Variants in FGF14 observed in about 807,000 individuals in gnomAD.
The protein encoded by FGF14 is fibroblast growth factor homologous factor 4.
A neutral mutation model predicts 25.5 loss-of-function variants in FGF14; 5 were observed. The ratio of observed to expected loss-of-function variants is 0.20; its 90% confidence interval spans 0.10 to 0.41. FGF14 has a LOEUF of 0.41. FGF14 is among the 10% of genes least tolerant of loss of function. The pLI is 1.00. For synonymous variants in FGF14, 138 were observed against 118.3 expected (o/e 1.17, Z -1.08); for missense variants, 222 against 320.1 (o/e 0.69, Z 2.34).
rs28535384 is a variant in FGF14, at chr13:101,910,666, C to T, written c.193+5787G>A. On this transcript the variant is annotated intron_variant, in intron 1 of 4. Coordinates refer to ENST00000376143, the MANE Select transcript of FGF14 (RefSeq NM_004115.4). The stretch of plus-strand genomic sequence containing the variant: ...CTACGCATGCCTACTGGTATACTGT[C>T]ACCCCAGTAAACAGCAAATGGTGAC... 2.3e-3 allele frequency among the ~76,000 whole-genome samples: 345 copies of T among 152,210 alleles called. 2 individuals carry two copies. The highest frequency in any genetic ancestry group is 7.6e-3 in the African/African-American group (316 of 41,536).
At chr13:102,172,223 C>A (rs2048280262) in intron 1 of FGF14, among the ~76,000 whole-genome samples, 1 of 151,958 alleles carries the variant, frequency 6.6e-6, no homozygotes, top group Non-Finnish European at 1.5e-5. Flanking sequence ...AACATTAAAT[C>A]AATTCTTACC....
At chr13:102,096,734 T>C (rs1227419880) in intron 1 of FGF14, among the ~76,000 whole-genome samples, 1 of 152,078 alleles carries the variant, frequency 6.6e-6, no homozygotes, top group Non-Finnish European at 1.5e-5. Context: ...TAAACATGCC[T>C]GGGATATCCC....
intron 3 of FGF14, chr13:101,868,426 T>TA: frequency 3.4e-6 from 1 of 295,684 alleles, no homozygotes; most frequent in East Asian, 7.7e-5. Flanking sequence ...TAAGAAACTC[T>TA]CTAAGATAAG....
rs191032609 is a variant in FGF14, at chr13:102,135,075, G to A, written c.209-259779C>T. 2.5e-3 allele frequency among the ~76,000 whole-genome samples: 386 copies of A among 151,780 alleles called. 4 individuals are homozygous for A. In the South Asian group the frequency reaches 0.029, roughly 11 times the overall value. ...CACACACACACAAATCCGCGTGGTG[G>A]TGTGCACCAATAATACTAGTTACTT... On this transcript the variant is annotated intron_variant, in intron 1 of 4. Coordinates refer to the FGF14 transcript ENST00000376131.
intron 1 of FGF14, among the ~76,000 whole-genome samples, chr13:101,937,588 T>TTGTG (rs1555322662): frequency 6.6e-6 from 1 of 151,800 alleles, no homozygotes; most frequent in Non-Finnish European, 1.5e-5. Context: ...CATTGCTGTT[T>TTGTG]TTTGTTTGTT....
intron 1 of FGF14, among the ~76,000 whole-genome samples, chr13:102,106,368 C>T (rs1268818878): frequency 2.0e-5 from 3 of 152,030 alleles, no homozygotes; most frequent in East Asian, 1.9e-4. Context: ...GTCAGGAGTT[C>T]GAGACCAGCC....
intron 1 of FGF14, among the ~76,000 whole-genome samples, chr13:102,132,621 ATTC>A (rs113186030): frequency 5.6e-4 from 85 of 151,704 alleles, no homozygotes; most frequent in Middle Eastern, 3.4e-3. Context: ...GCCACAGGTA[ATTC>A]TTCTGCTGCA....
chr13:101,746,617 C>T (rs1016173525), intron 3 of FGF14, among the ~76,000 whole-genome samples: 9 of 151,810 alleles, frequency 5.9e-5, no homozygotes, highest in African/African-American at 1.9e-4. Flanking sequence ...TTATTTTAGG[C>T]GAGAAGGGCA....
At chr13:101,977,378 C>T (rs1025173832) in intron 1 of FGF14, among the ~76,000 whole-genome samples, 1 of 152,132 alleles carries the variant, frequency 6.6e-6, no homozygotes, top group African/African-American at 2.4e-5. Flanking sequence ...TACTTCTCCC[C>T]CATTGTGAAG....
At chr13:102,335,207 C>T (rs2056757262) in intron 1 of FGF14, among the ~76,000 whole-genome samples, 1 of 152,172 alleles carries the variant, frequency 6.6e-6, no homozygotes, top group Non-Finnish European at 1.5e-5. Flanking sequence ...TCTGAAGCTA[C>T]TGGAAAGAGA....
At chr13:102,153,262 T>G (rs1048018179) in intron 1 of FGF14, among the ~76,000 whole-genome samples, 4 of 152,214 alleles carry the variant, frequency 2.6e-5, no homozygotes, top group Non-Finnish European at 4.4e-5. Flanking sequence ...GAAAAAGAAC[T>G]AGAATTTTTA....
At chr13:102,379,238 C>T (rs2058119509) in intron 1 of FGF14, among the ~76,000 whole-genome samples, 1 of 152,028 alleles carries the variant, frequency 6.6e-6, no homozygotes, top group Non-Finnish European at 1.5e-5. Flanking sequence ...GCATTAGAAA[C>T]ATACCACTAT....
chr13:101,807,462 A>G (rs900809378), intron 3 of FGF14, among the ~76,000 whole-genome samples: 5 of 152,136 alleles, frequency 3.3e-5, no homozygotes, highest in Admixed American at 3.3e-4. Flanking sequence ...AAGGTATCAA[A>G]GCAATATGAT....
chr13:101,935,271 C>T (rs1205950052), intron 1 of FGF14, among the ~76,000 whole-genome samples: 1 of 152,172 alleles, frequency 6.6e-6, no homozygotes, highest in Non-Finnish European at 1.5e-5. Context: ...CTGCTTGGGG[C>T]CCCTAGAATC....
At chr13:102,097,350 C>T (rs571328471) in intron 1 of FGF14, among the ~76,000 whole-genome samples, 22 of 152,254 alleles carry the variant, frequency 1.4e-4, no homozygotes, top group African/African-American at 4.8e-4. Flanking sequence ...TCAGAGACAG[C>T]GTTAGAAATA....
At chr13:102,323,995 G>GTA (rs1191680842) in intron 1 of FGF14, among the ~76,000 whole-genome samples, 3 of 150,788 alleles carry the variant, frequency 2.0e-5, no homozygotes, top group Non-Finnish European at 2.9e-5. Context: ...GTGTGTGTGT[G>GTA]TGTGTGTGTG....
At chr13:101,948,761 T>A (rs1390259591) in intron 1 of FGF14, among the ~76,000 whole-genome samples, 3 of 152,180 alleles carry the variant, frequency 2.0e-5, no homozygotes, top group Non-Finnish European at 4.4e-5. Flanking sequence ...TGGCACAGAA[T>A]GTTAACATTT....
intron 1 of FGF14, among the ~76,000 whole-genome samples, chr13:102,209,882 T>C (rs1049375470): frequency 6.6e-6 from 1 of 152,098 alleles, no homozygotes; most frequent in Non-Finnish European, 1.5e-5. Flanking sequence ...GACAAATATA[T>C]CTTTTTCTCA....
chr13:102,076,959 T>C (rs1202800520), intron 1 of FGF14, among the ~76,000 whole-genome samples: 2 of 152,006 alleles, frequency 1.3e-5, no homozygotes, highest in Admixed American at 6.6e-5. Context: ...GAACAGAATA[T>C]AGAGCATAGA....
Sources: gnomAD v4.1 joint callset for allele counts (sites outside exome capture counted in the v4.1 genomes callset) on GRCh38, gnomAD v4.1.1 for gene constraint, MANE v1.5 for transcripts, NCBI Gene and HGNC (gene_info 2026-07-23, HGNC 2026-07-21) for gene names.